The following SUPT3H variants were observed in gnomAD, a reference collection of about 807,000 sequenced individuals.
The protein encoded by SUPT3H is SPT3 homolog, SAGA and STAGA complex component.
In SUPT3H, 44 loss-of-function variants were observed where a neutral mutation model predicts 44.3. The observed-to-expected ratio is 0.99, with a 90% confidence interval of 0.78 to 1.28. The LOEUF is 1.28. Ranked by LOEUF, SUPT3H falls within the 50% of genes most tolerant of loss-of-function variation. The probability of loss-of-function intolerance (pLI) is 0.00; values close to 1 mark genes in which losing one functional copy is unlikely to be tolerated. For synonymous variants in SUPT3H, 124 were observed against 125.6 expected (o/e 0.99, Z 0.09); for missense variants, 380 against 387.1 (o/e 0.98, Z 0.15).
At chr6:45,365,909 T>C (rs1311627594) in intron 1 of SUPT3H, among the ~76,000 whole-genome samples, 1 of 151,984 alleles carries the variant, frequency 6.6e-6, no homozygotes, top group Non-Finnish European at 1.5e-5. Flanking sequence ...TATGGGTAAA[T>C]AACTTACTCA....
rs528158 is a variant in SUPT3H, at chr6:44,829,231, T to C, written c.*585A>G. 3,108 of 152,200 alleles carry C rather than the reference T, an allele frequency of 0.02. 42 individuals carry two copies. Among genetic ancestry groups the C allele is most frequent in the Non-Finnish European group, 0.033 (2,219 of 68,058 alleles). 9.4% of individuals were successfully genotyped at this position (152,200 alleles called of 1,614,324 possible). A position where few individuals can be genotyped will look rare whatever the true frequency, so the allele number is the denominator to read the frequency against. On this transcript the variant is annotated 3_prime_UTR_variant, in exon 11 of 11. Coordinates refer to ENST00000371459, the MANE Select transcript of SUPT3H (RefSeq NM_003599.4). ...ATGGCAGGAAGTTGGGAAGCAGGCA[T>C]TGAAAATGACACATACTATAAGTGG...
intron 2 of SUPT3H, among the ~76,000 whole-genome samples, chr6:45,254,820 T>C (rs1773056339): frequency 6.6e-6 from 1 of 152,036 alleles, no homozygotes. Flanking sequence ...ATTCCAGAAA[T>C]AAACAATTCA....
intron 2 of SUPT3H, among the ~76,000 whole-genome samples, chr6:45,334,198 C>T (rs1788080479): frequency 6.6e-6 from 1 of 151,034 alleles, no homozygotes; most frequent in Admixed American, 6.6e-5. Flanking sequence ...AAATAATTTT[C>T]ACCACAAAGT....
At chr6:45,259,472 T>C (rs1773980606) in intron 2 of SUPT3H, among the ~76,000 whole-genome samples, 2 of 152,164 alleles carry the variant, frequency 1.3e-5, no homozygotes, top group Non-Finnish European at 2.9e-5. Context: ...TGACCAAATT[T>C]TTCACAGTAC....
intron 2 of SUPT3H, among the ~76,000 whole-genome samples, chr6:45,363,740 T>C (rs1445329175): frequency 1.3e-5 from 2 of 152,086 alleles, no homozygotes; most frequent in Non-Finnish European, 2.9e-5. Context: ...ATTTAAAATA[T>C]AGGCTCACTT....
intron 2 of SUPT3H, among the ~76,000 whole-genome samples, chr6:45,172,811 C>T (rs1235147943): frequency 3.9e-5 from 6 of 151,916 alleles, no homozygotes; most frequent in African/African-American, 9.7e-5. Flanking sequence ...AGGCTGGTCT[C>T]GAACTCCTGA....
In SUPT3H at chr6:45,158,300, T is replaced by TA. The variant is rs1562573429; in HGVS notation, c.102-52295_102-52294insT. Among the ~76,000 whole-genome samples the TA allele has an allele frequency of 2.5e-3, 158 of 63,714 alleles. 5 individuals carry two copies. Among genetic ancestry groups the TA allele is most frequent in the Admixed American group, 5.7e-3 (39 of 6,892 alleles). 41.8% of individuals were successfully genotyped at this position (63,714 alleles called of 152,430 possible). ...CATATATATATATATATATATATAT[T>TA]TTTTTTTTTTTTTTTTTGAGATGGA... On this transcript the variant is annotated intron_variant, in intron 2 of 10. Transcript: ENST00000371459.
At chr6:45,182,463 C>A (rs957183650) in intron 2 of SUPT3H, among the ~76,000 whole-genome samples, 1 of 152,010 alleles carries the variant, frequency 6.6e-6, no homozygotes, top group Non-Finnish European at 1.5e-5. Flanking sequence ...GGTTTCACCA[C>A]GCTGGCCAGG....
At chr6:44,841,500 G>A (rs544132123) in intron 10 of SUPT3H, among the ~76,000 whole-genome samples, 26 of 152,240 alleles carry the variant, frequency 1.7e-4, no homozygotes, top group Middle Eastern at 3.4e-3. Context: ...TGTACTTCTC[G>A]TAGCCACTGA....
chr6:45,008,777 A>G (rs1576380), intron 5 of SUPT3H, among the ~76,000 whole-genome samples: 147,552 of 152,018 alleles, frequency 0.97, 71,637 homozygotes, highest in East Asian at 1. Flanking sequence ...ATCTCCCTCT[A>G]TTGCCCAGGC....
In SUPT3H at chr6:44,932,167, A is replaced by G. The variant is rs1001442285; in HGVS notation, c.912+486T>C. 5.9e-5 allele frequency among the ~76,000 whole-genome samples: 9 copies of G among 152,172 alleles called. 1 individual carries two copies. Among genetic ancestry groups the G allele is most frequent in the African/African-American group, 1.9e-4 (8 of 41,452 alleles). On this transcript the variant is annotated intron_variant, in intron 10 of 10. Transcript: ENST00000371459. The stretch of plus-strand genomic sequence containing the variant: ...ATTAAAACAACACAAAACCCTGATT[A>G]TAAGTTTTCAAATCATTTGAAGATG...
rs1799209729 is a variant in SUPT3H, at chr6:45,105,924, G to A, written c.184C>T (p.Leu62=). 5 of 1,611,772 alleles carry A rather than the reference G, an allele frequency of 3.1e-6. No individual in the cohort carries two copies. Among genetic ancestry groups the A allele is most frequent in the Non-Finnish European group, 3.4e-6 (4 of 1,178,274 alleles). Residue 62 remains leucine (L), a splice_region_variant and synonymous_variant, in exon 3 of 11, where the codon CTG becomes TTG. Coordinates refer to ENST00000371459, the MANE Select transcript of SUPT3H (RefSeq NM_003599.4). The part of the protein sequence containing the change: ...EDVVHTQLIN[L]LQQAAEVSQL... ...AATCAAATTATATATGCTCTTACCA[G>A]ATTAATTAACTGAGTGTGTACCACA...
intron 2 of SUPT3H, among the ~76,000 whole-genome samples, chr6:45,267,447 C>T (rs4437465): frequency 0.98 from 149,234 of 152,356 alleles, 73,100 homozygotes; most frequent in Middle Eastern, 1. Flanking sequence ...TATTGCAAGC[C>T]TTAAAATGAT....
At chr6:45,169,153 T>C (rs555766180) in intron 2 of SUPT3H, among the ~76,000 whole-genome samples, 2 of 152,300 alleles carry the variant, frequency 1.3e-5, no homozygotes, top group East Asian at 1.9e-4. Flanking sequence ...AGCTGAAATC[T>C]AGCCCAACTC....
intron 2 of SUPT3H, among the ~76,000 whole-genome samples, chr6:45,225,004 C>T (rs901340946): frequency 2.6e-5 from 4 of 151,918 alleles, no homozygotes; most frequent in South Asian, 2.1e-4. Context: ...ATCTGCCAGG[C>T]GTGGTGACTC....
At chr6:45,086,594 C>T (rs1318030270) in intron 3 of SUPT3H, among the ~76,000 whole-genome samples, 1 of 151,926 alleles carries the variant, frequency 6.6e-6, no homozygotes, top group Non-Finnish European at 1.5e-5. Flanking sequence ...TAACAAAGCA[C>T]TGGGATTTTA....
chr6:45,263,090 G>C (rs1774655723), intron 2 of SUPT3H, among the ~76,000 whole-genome samples: 5 of 152,076 alleles, frequency 3.3e-5, no homozygotes, highest in Admixed American at 2.6e-4. Context: ...TCTCGAAGAA[G>C]TTAAAACAGA....
intron 2 of SUPT3H, among the ~76,000 whole-genome samples, chr6:45,296,185 T>TATATATATAC (rs377152580): frequency 0.11 from 16,084 of 140,494 alleles, 1,189 homozygotes; most frequent in East Asian, 0.26. Flanking sequence ...ATACACATAC[T>TATATATATAC]ACACACACAC....
At chr6:45,251,243 T>A (rs902702753) in intron 2 of SUPT3H, 2 of 152,246 alleles carry the variant, frequency 1.3e-5, no homozygotes, top group African/African-American at 4.8e-5. Context: ...ATCAGAGATG[T>A]ATGTGTATGT....
Sources: gnomAD v4.1 joint callset for allele counts (sites outside exome capture counted in the v4.1 genomes callset) on GRCh38, gnomAD v4.1.1 for gene constraint, MANE v1.5 for transcripts, NCBI Gene and HGNC (gene_info 2026-07-23, HGNC 2026-07-21) for gene names.